The following CCT4 variants were observed in gnomAD, a reference collection of about 807,000 sequenced individuals.
CCT4 encodes the protein chaperonin containing TCP1 subunit 4.
CCT4 carries 17 observed loss-of-function variants against 62.5 expected under a neutral mutation model. The observed-to-expected ratio is 0.27, with a 90% CI of 0.19 to 0.41. CCT4 has a LOEUF of 0.41. Among genes scored for constraint, CCT4 ranks in the 10% least tolerant of loss-of-function variants. The probability of loss-of-function intolerance (pLI) is 1.00; values close to 1 mark genes in which losing one functional copy is unlikely to be tolerated. For missense variants in CCT4, 592 were observed against 659.2 expected (o/e 0.90, Z 1.12); for synonymous variants, 250 against 229.9 (o/e 1.09, Z -0.79).
chr2:61,876,782 C>T (rs1283356448), intron 7 of CCT4, 138 bp downstream of exon 7: 11 of 684,462 alleles, frequency 1.6e-5, no homozygotes, highest in Non-Finnish European at 2.5e-5. Flanking sequence ...CCAACAATTA[C>T]TATTTTTGTC....
intron 3 of CCT4, 22 bp from the exon 4 acceptor site, chr2:61,880,416 A>C: frequency 7.2e-7 from 1 of 1,379,546 alleles, no homozygotes; most frequent in South Asian, 1.2e-5. Flanking sequence ...GAAAATGCCA[A>C]GTTGCTCAAT....
At chr2:61,884,851 CT>C (rs2105141835) in intron 2 of CCT4, among the ~76,000 whole-genome samples, 168 bp downstream of exon 2, 1 of 152,256 alleles carries the variant, frequency 6.6e-6, no homozygotes, top group Non-Finnish European at 1.5e-5. Flanking sequence ...TGGTCTCCAA[CT>C]CCTGACCTCA....
chr2:61,883,622 T>C (rs1669165446), intron 2 of CCT4, 74 bp from the exon 3 acceptor site: 2 of 746,088 alleles, frequency 2.7e-6, no homozygotes, highest in Non-Finnish European at 2.2e-6. Context: ...CATTTCAAAA[T>C]AGAGAAGTTA....
intron 2 of CCT4, among the ~76,000 whole-genome samples, chr2:61,883,787 C>CGT (rs1292700887): frequency 0.013 from 1,927 of 143,478 alleles, 15 homozygotes; most frequent in Non-Finnish European, 0.021. Context: ...CACACACACA[C>CGT]ACACACACAC....
chr2:61,878,749 GATTATA>G, intron 5 of CCT4, 114 bp downstream of exon 5: 1 of 630,180 alleles, frequency 1.6e-6, no homozygotes, highest in Non-Finnish European at 2.6e-6. Context: ...CAATTATACA[GATTATA>G]ACAGTTACCT....
chr2:61,881,927 T>C (rs916692208), intron 3 of CCT4, among the ~76,000 whole-genome samples: 11 of 149,080 alleles, frequency 7.4e-5, no homozygotes, highest in East Asian at 2.0e-4. Context: ...ATTTTTTTGA[T>C]AGAAGTTCCT....
At chr2:61,870,171 G>A (rs930690379) in intron 12 of CCT4, among the ~76,000 whole-genome samples, 3 of 151,786 alleles carry the variant, frequency 2.0e-5, no homozygotes, top group Non-Finnish European at 4.4e-5. Context: ...CAGCTACTCA[G>A]GAGGCTGAGG....
intron 10 of CCT4, 137 bp downstream of exon 10, chr2:61,872,865 T>C (rs959315830): frequency 1.4e-6 from 1 of 692,750 alleles, no homozygotes; most frequent in African/African-American, 1.8e-5. Context: ...AGGCGGAGCT[T>C]GTAGTGAGCC....
chr2:61,877,082 G>A (rs765219920), intron 6 of CCT4, 30 bp from the exon 7 acceptor site: 12 of 1,599,540 alleles, frequency 7.5e-6, no homozygotes, highest in Middle Eastern at 1.7e-4. Context: ...AAGAGGGGTA[G>A]TTAAGAGGGA....
Position 61,877,041 on chromosome 2 carries a change from T to G in CCT4, c.656A>C (p.Asp219Ala). The G allele has an allele frequency of 6.2e-7, 1 of 1,613,412 alleles. No homozygotes were observed. Among genetic ancestry groups the G allele is most frequent in the Non-Finnish European group, 8.5e-7 (1 of 1,179,636 alleles). ...CAGCCCTTCCACCAACTCACAGTCATCAATTGTCCCACTAAGGATAAAAGA... is the reference window on the plus strand; with the variant it reads ...CAGCCCTTCCACCAACTCACAGTCAGCAATTGTCCCACTAAGGATAAAAGA... ...KIVKKLGGTIDDCELVEGLVL... is the reference protein window; with the variant it reads ...KIVKKLGGTIADCELVEGLVL... The change falls in exon 7 of 14, where the codon GAT (aspartate) becomes GCT (alanine). Residue 219 changes from aspartate to alanine, a missense_variant. Coordinates refer to ENST00000394440, the MANE Select transcript of CCT4 (RefSeq NM_006430.4).
chr2:61,877,160 C>T, intron 6 of CCT4, 108 bp from the exon 7 acceptor site: 1 of 1,074,308 alleles, frequency 9.3e-7, no homozygotes, highest in Non-Finnish European at 1.4e-6. Flanking sequence ...ATGATTCAGC[C>T]TCACATTTAT....
At chr2:61,869,299 G>A (rs1668835885) in intron 13 of CCT4, 141 bp downstream of exon 13, 5 of 605,742 alleles carry the variant, frequency 8.3e-6, no homozygotes, top group Non-Finnish European at 1.2e-5. Context: ...CTGTGCTACT[G>A]TGCTCCAGCC....
In CCT4 at chr2:61,877,469, C is replaced by T; in HGVS notation, c.568G>A (p.Ala190Thr). The T allele has an allele frequency of 1.2e-6, 2 of 1,607,634 alleles. No homozygotes were observed. Among genetic ancestry groups the T allele is most frequent in the Middle Eastern group, 1.7e-4 (1 of 6,042 alleles). The change falls in exon 6 of 14, where the codon GCA (alanine) becomes ACA (threonine). Residue 190 changes from alanine to threonine, a missense_variant. Ala to Thr is a moderately conservative substitution (Grantham distance 58). Around this residue, in one of 3 missense-constraint regions of CCT4, gnomAD observed 522 missense variants for 571.2 expected, o/e 0.91. Transcript: ENST00000394440. ...GCTGGGTCAATCACTTTCATCACTG[C>T]ATTTACACTCATTGGAGAAAGCAGA... ...SSLLSPMSVN[A>T]VMKVIDPATA...
intron 2 of CCT4, among the ~76,000 whole-genome samples, chr2:61,884,679 A>G (rs1290796259): frequency 6.6e-6 from 1 of 151,684 alleles, no homozygotes; most frequent in African/African-American, 2.4e-5. Context: ...CCCAGGCTAG[A>G]GTGCAATGGC....
intron 12 of CCT4, among the ~76,000 whole-genome samples, chr2:61,870,651 GCTCACGC>G (rs1449651331): frequency 6.6e-6 from 1 of 152,188 alleles, no homozygotes; most frequent in Non-Finnish European, 1.5e-5. Flanking sequence ...CCGCACCGTG[GCTCACGC>G]CTATAATCCT....
chr2:61,887,090 T>A (rs1325682038), intron 1 of CCT4, among the ~76,000 whole-genome samples: 1 of 152,130 alleles, frequency 6.6e-6, no homozygotes, highest in Non-Finnish European at 1.5e-5. Context: ...CTGTTCCTAA[T>A]CTAATAAATG....
intron 1 of CCT4, among the ~76,000 whole-genome samples, chr2:61,885,424 T>C (rs975392217): frequency 6.6e-6 from 1 of 152,178 alleles, no homozygotes; most frequent in East Asian, 1.9e-4. Context: ...ATTATTATTA[T>C]TTTTTGAGAC....
intron 2 of CCT4, 32 bp from the exon 3 acceptor site, chr2:61,883,580 T>A (rs1669164354): frequency 2.0e-6 from 2 of 1,006,170 alleles, no homozygotes; most frequent in Non-Finnish European, 3.1e-6. Flanking sequence ...TATATTTCAA[T>A]GTCACACCTT....
chr2:61,878,526 A>G (rs926252132), intron 5 of CCT4, among the ~76,000 whole-genome samples: 2 of 152,250 alleles, frequency 1.3e-5, no homozygotes, highest in African/African-American at 4.8e-5. Flanking sequence ...TAAATATTCA[A>G]TAAAAATTAG....
Sources: gnomAD v4.1 joint callset for allele counts (sites outside exome capture counted in the v4.1 genomes callset) on GRCh38, gnomAD v4.1.1 for gene constraint, gnomAD v4.1.1 regional missense constraint, MANE v1.5 for transcripts, NCBI Gene and HGNC (gene_info 2026-07-23, HGNC 2026-07-21) for gene names.